Variants in NKAIN2 observed in about 807,000 individuals in gnomAD.
NKAIN2 encodes the protein sodium/potassium transporting ATPase interacting 2, also known as sodium/potassium-transporting ATPase subunit beta-1-interacting protein 2.
In NKAIN2, 14 loss-of-function variants were observed where a neutral mutation model predicts 32.6. The ratio of observed to expected loss-of-function variants is 0.43; its 90% confidence interval spans 0.28 to 0.67. The LOEUF is 0.67. NKAIN2 is among the 30% of genes least tolerant of loss of function. NKAIN2 has a pLI of 0.17. For missense variants in NKAIN2, 198 were observed against 258.3 expected, an observed-to-expected ratio of 0.77 and a Z score of 1.60; for synonymous variants, 80 against 87.2, an observed-to-expected ratio of 0.92 and a Z score of 0.46.
At chr6:124,522,026 C>T (rs187544829) in intron 3 of NKAIN2, among the ~76,000 whole-genome samples, 58 of 152,128 alleles carry the variant, frequency 3.8e-4, no homozygotes, top group African/African-American at 1.1e-3. Context: ...CTAACCCTAC[C>T]GGGTATTTGA....
rs6917650 is a variant in NKAIN2 at position 124,453,355 on chromosome 6, A to G, written c.273+98008A>G. Reference sequence around the variant, plus strand: ...CACACACACACACACACACACACACACACACACACACACAGTTCTGAGGTC... The same window carrying G: ...CACACACACACACACACACACACACGCACACACACACACAGTTCTGAGGTC... On this transcript the variant is annotated intron_variant, in intron 3 of 6. Coordinates refer to ENST00000368417, the MANE Select transcript of NKAIN2 (RefSeq NM_001040214.3). Among the ~76,000 whole-genome samples, 435 of 136,686 alleles carry G rather than the reference A, an allele frequency of 3.2e-3. 15 individuals are homozygous for G. Among genetic ancestry groups the G allele is most frequent in the South Asian group, 7.9e-3 (32 of 4,036 alleles). 89.7% of individuals were successfully genotyped at this position (136,686 alleles called of 152,430 possible).
At chr6:124,684,186 T>C (rs956731793) in intron 4 of NKAIN2, among the ~76,000 whole-genome samples, 1 of 152,154 alleles carries the variant, frequency 6.6e-6, no homozygotes. Flanking sequence ...GGAAAATAAA[T>C]ACATGTCTGC....
At chr6:124,089,380 A>T in intron 1 of NKAIN2, among the ~76,000 whole-genome samples, 1 of 151,568 alleles carries the variant, frequency 6.6e-6, no homozygotes, top group Non-Finnish European at 1.5e-5. Context: ...GCTGGCAGCT[A>T]TTGTTCTCTT....
In NKAIN2 at chr6:123,804,080, C is replaced by G. The variant is rs554556692; in HGVS notation, c.-121C>G. On this transcript the variant is annotated 5_prime_UTR_variant, in exon 1 of 7. Transcript: ENST00000368417. Reference sequence around the variant, plus strand: ...CCCAGGACGCTGGCAGCAGCAGCAGCCCGGAGCCCCCGAGCCCTCGGCAGG... The same window carrying G: ...CCCAGGACGCTGGCAGCAGCAGCAGGCCGGAGCCCCCGAGCCCTCGGCAGG... 27 of 893,818 alleles carry G rather than the reference C, an allele frequency of 3.0e-5. No homozygotes were observed. The highest frequency in any genetic ancestry group is 4.9e-5 in the African/African-American group (3 of 61,224). 55.4% of individuals were successfully genotyped at this position (893,818 alleles called of 1,614,324 possible). A position where few individuals can be genotyped will look rare whatever the true frequency, so the allele number is the denominator to read the frequency against.
chr6:123,819,027 A>G (rs1475210558), intron 1 of NKAIN2, among the ~76,000 whole-genome samples: 2 of 152,098 alleles, frequency 1.3e-5, no homozygotes, highest in Non-Finnish European at 2.9e-5. Flanking sequence ...GGATGTGAGC[A>G]AAGGGGGAAT....
chr6:124,645,640 A>G (rs113604335), intron 3 of NKAIN2, among the ~76,000 whole-genome samples: 4,018 of 152,264 alleles, frequency 0.026, 175 homozygotes, highest in African/African-American at 0.092. Context: ...ACAAATGACC[A>G]GCACACTAAT....
intron 3 of NKAIN2, among the ~76,000 whole-genome samples, chr6:124,586,245 C>A (rs1354789579): frequency 6.6e-6 from 1 of 152,112 alleles, no homozygotes; most frequent in Admixed American, 6.5e-5. Context: ...GAAGAAAAGA[C>A]AACAGTGACA....
intron 4 of NKAIN2, among the ~76,000 whole-genome samples, chr6:124,692,525 G>T (rs189167980): frequency 6.6e-6 from 1 of 151,952 alleles, no homozygotes; most frequent in African/African-American, 2.4e-5. Flanking sequence ...TAAAAATTAC[G>T]TAACATGAGG....
At chr6:124,549,559 A>G (rs1339967093) in intron 3 of NKAIN2, among the ~76,000 whole-genome samples, 1 of 152,190 alleles carries the variant, frequency 6.6e-6, no homozygotes, top group African/African-American at 2.4e-5. Context: ...TATTAAATAG[A>G]GCACAGAACT....
chr6:123,976,372 CATATATATAT>C (rs60189624), intron 1 of NKAIN2, among the ~76,000 whole-genome samples: 435 of 10,838 alleles, frequency 0.04, 12 homozygotes, highest in Admixed American at 0.052. Flanking sequence ...TATATATTCC[CATATATATAT>C]ATATATATAT....
chr6:123,987,011 A>T (rs1344081472), intron 1 of NKAIN2, among the ~76,000 whole-genome samples: 1 of 152,210 alleles, frequency 6.6e-6, no homozygotes. Context: ...AGTTGACCTT[A>T]AATTCATACG....
Position 124,095,826 on chromosome 6 carries a change from G to GCTGTTTTATAT in NKAIN2, c.55-187179_55-187178insCTGTTTTATAT, listed in dbSNP as rs1384050094. ...CAACATCAAGCTTACCTATTCCCCT[G>GCTGTTTTATAT]AGTACTTTTAAAAGTACTGTTATAA... On this transcript the variant is annotated intron_variant, in intron 1 of 6. Coordinates refer to ENST00000368417, the MANE Select transcript of NKAIN2 (RefSeq NM_001040214.3). 5.9e-5 allele frequency among the ~76,000 whole-genome samples: 9 copies of GCTGTTTTATAT among 152,176 alleles called. No homozygotes were observed. In the South Asian group the frequency reaches 1.7e-3, roughly 28 times the overall value.
intron 1 of NKAIN2, among the ~76,000 whole-genome samples, chr6:124,265,968 C>A (rs981680657): frequency 6.6e-6 from 1 of 152,090 alleles, no homozygotes; most frequent in Admixed American, 6.6e-5. Flanking sequence ...GAAAAATAAA[C>A]AAAACCCAAA....
At chr6:124,044,487 A>G (rs1349310310) in intron 1 of NKAIN2, among the ~76,000 whole-genome samples, 1 of 152,028 alleles carries the variant, frequency 6.6e-6, no homozygotes, top group Non-Finnish European at 1.5e-5. Context: ...CTACTGAGAT[A>G]TGGACATTTC....
intron 1 of NKAIN2, among the ~76,000 whole-genome samples, chr6:124,084,355 C>A (rs1416139240): frequency 6.6e-6 from 1 of 151,840 alleles, no homozygotes; most frequent in African/African-American, 2.4e-5. Context: ...ATATGGCTTG[C>A]CATTGTGTGA....
chr6:124,019,443 A>G (rs1390641949), intron 1 of NKAIN2, among the ~76,000 whole-genome samples: 3 of 152,134 alleles, frequency 2.0e-5, no homozygotes, highest in Non-Finnish European at 2.9e-5. Context: ...TTGGCATGTG[A>G]ATCATATAAA....
chr6:124,118,564 C>G (rs149977069), intron 1 of NKAIN2, among the ~76,000 whole-genome samples: 1 of 152,096 alleles, frequency 6.6e-6, no homozygotes, highest in African/African-American at 2.4e-5. Flanking sequence ...CTCAATGATA[C>G]CCTCTCCAGT....
chr6:124,632,849 C>A (rs925011272), intron 3 of NKAIN2, among the ~76,000 whole-genome samples: 1 of 152,148 alleles, frequency 6.6e-6, no homozygotes, highest in African/African-American at 2.4e-5. Flanking sequence ...GAATAAAGTA[C>A]AACTAAAATA....
At chr6:124,153,752 T>G (rs538254527) in intron 1 of NKAIN2, among the ~76,000 whole-genome samples, 1 of 151,848 alleles carries the variant, frequency 6.6e-6, no homozygotes, top group Non-Finnish European at 1.5e-5. Flanking sequence ...TAATTGTTTA[T>G]AGGTCCCTTT....
Sources: allele counts gnomAD v4.1 joint callset (sites outside exome capture counted in the v4.1 genomes callset), GRCh38; gene constraint gnomAD v4.1.1; transcripts MANE v1.5; gene names NCBI Gene and HGNC (gene_info 2026-07-23, HGNC 2026-07-21).